The following KAZN variants were observed in gnomAD, a reference collection of about 807,000 sequenced individuals.
KAZN encodes kazrin.
Under a neutral mutation model 87.4 loss-of-function variants are expected in KAZN, and 40 were observed. The observed-to-expected ratio is 0.46, with a 90% CI of 0.36 to 0.60. KAZN has a LOEUF of 0.60. KAZN is among the 20% of genes least tolerant of loss of function. The probability of loss-of-function intolerance (pLI) is 0.00; values close to 1 mark genes in which losing one functional copy is unlikely to be tolerated. For synonymous variants in KAZN, 466 were observed against 458.3 expected, an observed-to-expected ratio of 1.02 and a Z score of -0.22; for missense variants, 898 against 1,073.9, an observed-to-expected ratio of 0.84 and a Z score of 2.29.
At chr1:15,112,309 A>G in intron 13 of KAZN, 118 bp from the exon 14 acceptor site, 1 of 703,724 alleles carries the variant, frequency 1.4e-6, no homozygotes, top group Non-Finnish European at 2.6e-6. Context: ...CGGTCTCAGC[A>G]GCTGTGGTCA....
At chr1:14,989,966 G>A (rs1667192022) in intron 2 of KAZN, among the ~76,000 whole-genome samples, 1 of 152,192 alleles carries the variant, frequency 6.6e-6, no homozygotes, top group Non-Finnish European at 1.5e-5. Flanking sequence ...GGGCTGGGGT[G>A]TGCACACTCT....
chr1:14,992,352 A>G (rs10803334), intron 2 of KAZN, among the ~76,000 whole-genome samples: 47,380 of 152,102 alleles, frequency 0.31, 7,482 homozygotes, highest in South Asian at 0.41. Flanking sequence ...GGGAGCATCC[A>G]GGGTCAGGTC....
chr1:14,016,964 A>G (rs1394033582), intron 1 of KAZN, among the ~76,000 whole-genome samples: 3 of 152,176 alleles, frequency 2.0e-5, no homozygotes, highest in Non-Finnish European at 4.4e-5. Context: ...GCTTTGGCAG[A>G]GTTTTGGGAC....
At chr1:15,060,539 C>T (rs1404264411) in intron 6 of KAZN, 4 of 569,480 alleles carry the variant, frequency 7.0e-6, no homozygotes, top group South Asian at 4.2e-5. Context: ...CCAGAGGAAG[C>T]GGGCCTGGGT....
intron 2 of KAZN, among the ~76,000 whole-genome samples, chr1:14,560,960 C>A (rs1371103941): frequency 2.0e-5 from 3 of 152,156 alleles, no homozygotes; most frequent in African/African-American, 7.2e-5. Context: ...GTTGCCCCAT[C>A]AGGAAGAGAA....
chr1:15,048,554 T>TGTTGGTCCTGGGTC (rs1673845875), intron 4 of KAZN, among the ~76,000 whole-genome samples: 2 of 151,184 alleles, frequency 1.3e-5, no homozygotes, highest in Middle Eastern at 3.4e-3. Flanking sequence ...GATCCTTGGT[T>TGTTGGTCCTGGGTC]GTTGGTCCTG....
At chr1:13,994,413 G>T (rs1034402260) in intron 1 of KAZN, among the ~76,000 whole-genome samples, 8 of 152,200 alleles carry the variant, frequency 5.3e-5, no homozygotes, top group African/African-American at 1.7e-4. Flanking sequence ...AAATCATAAA[G>T]AGTCAAAGGC....
At chr1:14,562,676 T>A (rs1215351445) in intron 2 of KAZN, among the ~76,000 whole-genome samples, 1 of 152,250 alleles carries the variant, frequency 6.6e-6, no homozygotes, top group East Asian at 1.9e-4. Context: ...TCAACCTATT[T>A]CTGCAGATGT....
chr1:14,162,580 T>G (rs1468580647), intron 1 of KAZN, among the ~76,000 whole-genome samples: 1 of 150,448 alleles, frequency 6.6e-6, no homozygotes, highest in Non-Finnish European at 1.5e-5. Context: ...AGTCTCACTC[T>G]GTTGCCCAGG....
intron 13 of KAZN, among the ~76,000 whole-genome samples, chr1:15,110,753 T>G (rs1314896694): frequency 6.6e-6 from 1 of 152,264 alleles, no homozygotes; most frequent in African/African-American, 2.4e-5. Context: ...GTCTAGACCT[T>G]GATCCCAGAG....
intron 2 of KAZN, among the ~76,000 whole-genome samples, chr1:14,585,137 C>G (rs1277679291): frequency 6.6e-6 from 1 of 152,178 alleles, no homozygotes; most frequent in Non-Finnish European, 1.5e-5. Flanking sequence ...GAAACTAACC[C>G]TGCCAACCCC....
intron 5 of KAZN, among the ~76,000 whole-genome samples, chr1:15,057,873 G>T (rs189153502): frequency 3.3e-5 from 5 of 152,322 alleles, no homozygotes; most frequent in Admixed American, 3.3e-4. Context: ...CAGACTCCTG[G>T]TCATCCTCGT....
intron 1 of KAZN, among the ~76,000 whole-genome samples, chr1:14,933,254 G>A (rs1660056079): frequency 6.6e-6 from 1 of 152,070 alleles, no homozygotes. Context: ...ACCACACCTG[G>A]CTAATTTTTT....
At chr1:14,489,510 G>A (rs1052838576) in intron 2 of KAZN, among the ~76,000 whole-genome samples, 1 of 152,172 alleles carries the variant, frequency 6.6e-6, no homozygotes, top group East Asian at 1.9e-4. Context: ...AAGGCAGGCG[G>A]ATCACTTGAG....
chr1:14,035,210 G>T (rs1196703196), intron 1 of KAZN, among the ~76,000 whole-genome samples: 1 of 152,174 alleles, frequency 6.6e-6, no homozygotes, highest in Non-Finnish European at 1.5e-5. Flanking sequence ...GTGACGGGGA[G>T]ATCCGTGGTT....
chr1:14,920,252 T>C (rs1207101197), intron 1 of KAZN, among the ~76,000 whole-genome samples: 2 of 151,712 alleles, frequency 1.3e-5, no homozygotes, highest in African/African-American at 2.4e-5. Flanking sequence ...ACCTGCACTT[T>C]TTTCTGTCTG....
At chr1:14,322,877 A>T (rs1337211733) in intron 2 of KAZN, among the ~76,000 whole-genome samples, 6 of 152,188 alleles carry the variant, frequency 3.9e-5, no homozygotes, top group Non-Finnish European at 2.9e-5. Context: ...AGACTGCATA[A>T]TTTATAAGGG....
At chr1:14,631,799 G>A (rs1679590621) in intron 1 of KAZN, among the ~76,000 whole-genome samples, 1 of 152,196 alleles carries the variant, frequency 6.6e-6, no homozygotes, top group Admixed American at 6.5e-5. Context: ...GAAGCTCTCG[G>A]GTGAAATGTA....
At chr1:14,589,153 G>T (rs1676036343) in intron 2 of KAZN, among the ~76,000 whole-genome samples, 1 of 152,140 alleles carries the variant, frequency 6.6e-6, no homozygotes. Flanking sequence ...AGCTGTCAGA[G>T]TACCTACCAT....
Sources: allele counts gnomAD v4.1 joint callset (sites outside exome capture counted in the v4.1 genomes callset), GRCh38; gene constraint gnomAD v4.1.1; transcripts MANE v1.5; gene names NCBI Gene and HGNC (gene_info 2026-07-23, HGNC 2026-07-21).